Variants in NFAT5 observed in about 807,000 individuals in gnomAD.
NFAT5 encodes nuclear factor of activated T-cells 5.
A neutral mutation model predicts 166.5 loss-of-function variants in NFAT5; 31 were observed. The ratio of observed to expected loss-of-function variants is 0.19; its 90% CI spans 0.14 to 0.25. The LOEUF is 0.25. Among genes scored for constraint, NFAT5 ranks in the 10% least tolerant of loss-of-function variants. The pLI is 1.00. For missense variants in NFAT5, 1,449 were observed against 1,821.8 expected, an observed-to-expected ratio of 0.80 and a Z score of 3.72; for synonymous variants, 612 against 639.7, an observed-to-expected ratio of 0.96 and a Z score of 0.65.
intron 2 of NFAT5, among the ~76,000 whole-genome samples, chr16:69,589,336 T>C (rs1243652283): frequency 6.6e-6 from 1 of 152,194 alleles, no homozygotes; most frequent in Non-Finnish European, 1.5e-5. Context: ...CTAACTTGTC[T>C]ATCAGTTGGA....
intron 3 of NFAT5, chr16:69,646,456 A>G (rs1473825901): frequency 2.9e-6 from 2 of 701,516 alleles, no homozygotes; most frequent in Non-Finnish European, 2.0e-6. Context: ...TCATTTTATA[A>G]TTGATATCTG....
chr16:69,695,022 CCAA>C lies in NFAT5; in HGVS notation c.4415-109_4415-107del, dbSNP rs1037560453. 1.0e-5 allele frequency: 8 copies of C among 801,668 alleles called. No homozygotes were observed. The Admixed American group carries it at 2.3e-4, about 23-fold the overall frequency. The allele number at this position is 801,668 out of a possible 1,614,324, so 49.7% of individuals were successfully genotyped here. On this transcript the variant is annotated intron_variant, in intron 13 of 14. Coordinates refer to ENST00000349945, the MANE Select transcript of NFAT5 (RefSeq NM_138713.4). ...AGGAGAATGCAGTAATGAATTTTCCCCAACAACTAATAAATATCTTTTCATGAA... is the reference window on the plus strand; with the variant it reads ...AGGAGAATGCAGTAATGAATTTTCCCCAACTAATAAATATCTTTTCATGAA...
At chr16:69,624,306 A>G (rs939300985) in intron 2 of NFAT5, among the ~76,000 whole-genome samples, 9 of 151,908 alleles carry the variant, frequency 5.9e-5, no homozygotes, top group Admixed American at 2.6e-4. Context: ...CCTAGGCTGA[A>G]GTGATTCTCC....
chr16:69,630,085 C>A (rs552137099), intron 3 of NFAT5, among the ~76,000 whole-genome samples: 1 of 151,880 alleles, frequency 6.6e-6, no homozygotes, highest in African/African-American at 2.4e-5. Context: ...TGCAGGTGCA[C>A]GCCACCATGC....
chr16:69,600,824 C>G (rs117153386), intron 2 of NFAT5, among the ~76,000 whole-genome samples: 6,505 of 144,574 alleles, frequency 0.045, 185 homozygotes, highest in Non-Finnish European at 0.06. Context: ...CATAGTGGTA[C>G]TGGTCCACAA....
intron 7 of NFAT5, among the ~76,000 whole-genome samples, chr16:69,661,078 C>T (rs1200524209): frequency 7.3e-6 from 1 of 137,852 alleles, no homozygotes; most frequent in East Asian, 2.1e-4. Context: ...CACCCCCCAC[C>T]ACCCTTTTTT....
chr16:69,686,825 T>C (rs2037325519), intron 11 of NFAT5, among the ~76,000 whole-genome samples: 1 of 152,178 alleles, frequency 6.6e-6, no homozygotes, highest in Non-Finnish European at 1.5e-5. Flanking sequence ...ATCATGCCAC[T>C]GCACTTCAGC....
At chr16:69,583,101 T>C (rs2142936519) in intron 2 of NFAT5, among the ~76,000 whole-genome samples, 1 of 151,960 alleles carries the variant, frequency 6.6e-6, no homozygotes, top group African/African-American at 2.4e-5. Flanking sequence ...TTTTAAGTGT[T>C]AATAAAATTA....
intron 2 of NFAT5, among the ~76,000 whole-genome samples, chr16:69,596,898 A>G (rs924677544): frequency 6.6e-6 from 1 of 152,160 alleles, no homozygotes; most frequent in Non-Finnish European, 1.5e-5. Flanking sequence ...TTAATTAAAA[A>G]GAGTATGTTA....
intron 5 of NFAT5, among the ~76,000 whole-genome samples, chr16:69,654,432 C>T (rs1260487056): frequency 2.0e-5 from 3 of 152,174 alleles, no homozygotes; most frequent in East Asian, 3.9e-4. Flanking sequence ...ATCAAGTCTA[C>T]CCTTCTTCAC....
In NFAT5 at chr16:69,691,052, A is replaced by T; in HGVS notation, c.1887A>T (p.Glu629Asp). Residue 629 changes from glutamate to aspartate, a missense_variant, in exon 12 of 15, where the codon GAA (glutamate) becomes GAT (aspartate). This residue lies in a region of NFAT5 where 245 missense variants were observed against 366.6 expected (regional missense o/e 0.67). Coordinates refer to ENST00000349945, the MANE Select transcript of NFAT5 (RefSeq NM_138713.4). ...MIKSEDVTPM[E>D]VTAEKRSSTI... ...AGAGTGAAGATGTTACTCCAATGGAAGTAACAGCAGAAAAAAGATCTTCCA... is the reference window on the plus strand; with the variant it reads ...AGAGTGAAGATGTTACTCCAATGGATGTAACAGCAGAAAAAAGATCTTCCA... 6.2e-7 allele frequency: 1 copy of T among 1,604,766 alleles called. No homozygotes were observed. The highest frequency in any genetic ancestry group is 8.5e-7 in the Non-Finnish European group (1 of 1,176,292).
chr16:69,624,421 G>T (rs756659512), intron 2 of NFAT5, among the ~76,000 whole-genome samples: 1 of 149,578 alleles, frequency 6.7e-6, no homozygotes, highest in Non-Finnish European at 1.5e-5. Context: ...TGGCCAGGCT[G>T]GTCTCGAACT....
rs78312021 is a variant in NFAT5 at position 69,620,754 on chromosome 16, G to T, written c.128-5649G>T. The stretch of plus-strand genomic sequence containing the variant: ...CATGTAAGTTTATTGCACAAGAGCA[G>T]ATTTTACCAGCTCTTACATTAATCC... On this transcript the variant is annotated intron_variant, in intron 2 of 14. Coordinates refer to ENST00000349945, the MANE Select transcript of NFAT5 (RefSeq NM_138713.4). Among the ~76,000 whole-genome samples, 438 of 152,304 alleles carry T rather than the reference G, an allele frequency of 2.9e-3. 2 individuals are homozygous for T. The highest frequency in any genetic ancestry group is 9.9e-3 in the African/African-American group (412 of 41,570).
At chr16:69,580,222 C>A (rs1212424401) in intron 2 of NFAT5, among the ~76,000 whole-genome samples, 1 of 151,674 alleles carries the variant, frequency 6.6e-6, no homozygotes, top group East Asian at 1.9e-4. Flanking sequence ...TGTAATGTAA[C>A]TACATTACAT....
At chr16:69,587,436 T>A (rs1166228243) in intron 2 of NFAT5, among the ~76,000 whole-genome samples, 2 of 152,022 alleles carry the variant, frequency 1.3e-5, no homozygotes, top group African/African-American at 4.8e-5. Context: ...TCGCCCAGGC[T>A]GTAGTGCAGT....
chr16:69,689,668 C>G (rs1202498992), intron 11 of NFAT5, among the ~76,000 whole-genome samples: 1 of 152,210 alleles, frequency 6.6e-6, no homozygotes, highest in Non-Finnish European at 1.5e-5. Context: ...CTCAGCCTCC[C>G]AAGTAGCTGG....
At chr16:69,687,447 A>AAG (rs996516186) in intron 11 of NFAT5, among the ~76,000 whole-genome samples, 1 of 151,880 alleles carries the variant, frequency 6.6e-6, no homozygotes, top group African/African-American at 2.4e-5. Flanking sequence ...AAAAAAAAAA[A>AAG]AAAAAAAAGG....
At chr16:69,688,225 A>AAAC (rs1567609428) in intron 11 of NFAT5, among the ~76,000 whole-genome samples, 2 of 144,704 alleles carry the variant, frequency 1.4e-5, no homozygotes, top group African/African-American at 2.7e-5. Flanking sequence ...AAAAAAAAAA[A>AAAC]ACCAGGAGTT....
intron 4 of NFAT5, chr16:69,649,243 GTTTA>G (rs1356947338): frequency 1.0e-6 from 1 of 955,672 alleles, no homozygotes; most frequent in Non-Finnish European, 1.2e-6. Context: ...ACATATGTGT[GTTTA>G]TTTGTGCTTT....
Sources: allele counts gnomAD v4.1 joint callset (sites outside exome capture counted in the v4.1 genomes callset), GRCh38; gene constraint gnomAD v4.1.1; regional missense constraint gnomAD v4.1.1; transcripts MANE v1.5; gene names NCBI Gene and HGNC (gene_info 2026-07-23, HGNC 2026-07-21).